The following FAM83F variants were observed in gnomAD, a reference collection of about 807,000 sequenced individuals.
The protein encoded by FAM83F is protein FAM83F.
In FAM83F, 45 loss-of-function variants were observed where a neutral mutation model predicts 42.9. The ratio of observed to expected loss-of-function variants is 1.05; its 90% CI spans 0.83 to 1.35. The LOEUF (loss-of-function observed/expected upper bound fraction) is 1.35. FAM83F is among the 40% of genes most tolerant of loss of function. The pLI is 0.00. For synonymous variants in FAM83F, 306 were observed against 298.3 expected (o/e 1.03, Z -0.27); for missense variants, 617 against 695.9 (o/e 0.89, Z 1.28).
intron 4 of FAM83F, among the ~76,000 whole-genome samples, chr22:40,028,220 A>G (rs2067565649): frequency 6.6e-6 from 1 of 152,200 alleles, no homozygotes; most frequent in African/African-American, 2.4e-5. Context: ...TCAGTCCTGA[A>G]GAGCTCGTTC....
chr22:40,004,078 A>G (rs1258962572), intron 1 of FAM83F, among the ~76,000 whole-genome samples: 1 of 151,862 alleles, frequency 6.6e-6, no homozygotes, highest in East Asian at 1.9e-4. Context: ...TTCACTCACC[A>G]TGTTTCACTG....
At chr22:40,008,164 T>C (rs144867892) in intron 1 of FAM83F, among the ~76,000 whole-genome samples, 24 of 152,378 alleles carry the variant, frequency 1.6e-4, no homozygotes, top group East Asian at 3.9e-4. Context: ...TCGTGTTCCC[T>C]GAGCTTTAAT....
Position 40,038,877 on chromosome 22 carries a change from T to A in FAM83F, c.*9312T>A, listed in dbSNP as rs1004484039. 1 of 152,264 alleles carries A rather than the reference T, an allele frequency of 6.6e-6. No individual in the cohort carries two copies. The highest frequency in any genetic ancestry group is 2.4e-5 in the African/African-American group (1 of 41,450). The allele number at this position is 152,264 out of a possible 1,614,324, so 9.4% of individuals were successfully genotyped here. A position where few individuals can be genotyped will look rare whatever the true frequency, so the allele number is the denominator to read the frequency against. The stretch of plus-strand genomic sequence containing the variant: ...AACAGCCCCAACAGGCAAGTGTTAT[T>A]TTCCTCAATTCTACCAATTAAAAAC... On this transcript the variant is annotated 3_prime_UTR_variant, in exon 5 of 5. Coordinates refer to ENST00000333407, the MANE Select transcript of FAM83F (RefSeq NM_138435.4).
At chr22:40,002,608 G>A (rs143449748) in intron 1 of FAM83F, among the ~76,000 whole-genome samples, 348 of 152,288 alleles carry the variant, frequency 2.3e-3, no homozygotes, top group African/African-American at 8.0e-3. Context: ...CCTGGGAATC[G>A]TCATTTTTGC....
At position 40,021,556 on chromosome 22, in the gene FAM83F, G is replaced by C; in HGVS notation, c.1046G>C (p.Arg349Pro). 2 of 1,565,188 alleles carry C rather than the reference G, an allele frequency of 1.3e-6. No homozygotes were observed. Among genetic ancestry groups the C allele is most frequent in the Non-Finnish European group, 1.7e-6 (2 of 1,150,564 alleles). The stretch of plus-strand genomic sequence containing the variant: ...ATGCGCTGGGCTGCCCGGCAACAGC[G>C]GGAGGCGGGCGGCAACCCGGAGGGG... ...EMMRWAARQQREAGGNPEGQE... is the reference protein window; with the variant it reads ...EMMRWAARQQPEAGGNPEGQE... The change falls in exon 4 of 5, where the codon CGG (arginine) becomes CCG (proline). Residue 349 changes from arginine to proline, a missense_variant. Physicochemically the swap from Arg to Pro is moderately radical, Grantham distance 103. Transcript: ENST00000333407. The surrounding 1 kb of genome is among the most constrained non-coding windows in gnomAD (Gnocchi z 8.7).
intron 2 of FAM83F, 106 bp downstream of exon 2, chr22:40,019,441 C>A: frequency 9.4e-7 from 1 of 1,062,178 alleles, no homozygotes; most frequent in South Asian, 1.5e-5. Flanking sequence ...GGGGCTCAGG[C>A]GAACTTCAAG....
intron 4 of FAM83F, among the ~76,000 whole-genome samples, chr22:40,022,849 C>T (rs2145721240): frequency 6.6e-6 from 1 of 152,304 alleles, no homozygotes; most frequent in South Asian, 2.1e-4. Context: ...GTCTTGTGTG[C>T]CCGGCCCAAG....
chr22:40,024,948 A>G (rs2067543098), intron 4 of FAM83F, among the ~76,000 whole-genome samples: 1 of 152,078 alleles, frequency 6.6e-6, no homozygotes, highest in African/African-American at 2.4e-5. Context: ...CAGCGGTTTC[A>G]AGGCTCACGG....
At chr22:40,020,438 C>T (rs1362421599) in intron 3 of FAM83F, among the ~76,000 whole-genome samples, 1 of 149,400 alleles carries the variant, frequency 6.7e-6, no homozygotes, top group Admixed American at 6.7e-5. Flanking sequence ...TCTCGGCTCA[C>T]TGCAACCTCT....
At position 40,043,298 on chromosome 22, in the gene FAM83F, G is replaced by A. The variant is rs1165275961; in HGVS notation, c.*13733G>A. The A allele has an allele frequency of 6.6e-6, 1 of 152,174 alleles. No homozygotes were observed. The highest frequency in any genetic ancestry group is 2.1e-4 in the South Asian group (1 of 4,828). The allele number at this position is 152,174 out of a possible 1,614,324, so 9.4% of individuals were successfully genotyped here. On this transcript the variant is annotated 3_prime_UTR_variant, in exon 5 of 5. Transcript: ENST00000333407. ...GATGGAATGTGGGCTAGAGTCCAGCGTTGTGCTCCTGGAGATCATTTCGGT... is the reference window on the plus strand; with the variant it reads ...GATGGAATGTGGGCTAGAGTCCAGCATTGTGCTCCTGGAGATCATTTCGGT...
At chr22:40,027,704 T>A (rs1184855032) in intron 4 of FAM83F, among the ~76,000 whole-genome samples, 1 of 152,112 alleles carries the variant, frequency 6.6e-6, no homozygotes, top group Non-Finnish European at 1.5e-5. Context: ...GAATTCTGAG[T>A]CTAGGTGCTG....
Position 40,024,396 on chromosome 22 carries a change from T to TAAGCAGCC in FAM83F, c.1453+2435_1453+2442dup, listed in dbSNP as rs1287395642. ...GTGTCTCCCCTCAGGCAGCAGCAGC[T>TAAGCAGCC]AAGCAGCCAGGACTGCATGTGTGAG... On this transcript the variant is annotated intron_variant, in intron 4 of 4. Transcript: ENST00000333407. Among the ~76,000 whole-genome samples, 9 of 152,236 alleles carry TAAGCAGCC rather than the reference T, an allele frequency of 5.9e-5. No individual in the cohort carries two copies. In the South Asian group the frequency reaches 1.0e-3, roughly 17 times the overall value.
intron 1 of FAM83F, among the ~76,000 whole-genome samples, chr22:40,011,021 A>G (rs1017433103): frequency 2.6e-5 from 4 of 152,152 alleles, no homozygotes; most frequent in Admixed American, 2.6e-4. Context: ...ACTTTAGTTC[A>G]CGGCACAATG....
chr22:40,024,564 C>T (rs1380797202), intron 4 of FAM83F, among the ~76,000 whole-genome samples: 1 of 152,228 alleles, frequency 6.6e-6, no homozygotes. Context: ...CCACCTGGCT[C>T]TCAATTCGGG....
chr22:40,029,080 C>CGTGTGTGTGTGTGT (rs55770640), intron 4 of FAM83F, among the ~76,000 whole-genome samples: 7 of 130,608 alleles, frequency 5.4e-5, no homozygotes, highest in African/African-American at 2.0e-4. Context: ...CTTGGCTAGA[C>CGTGTGTGTGTGTGT]GTGTGTGTGT....
At chr22:40,000,177 G>A (rs1226919126) in intron 1 of FAM83F, among the ~76,000 whole-genome samples, 9 of 152,182 alleles carry the variant, frequency 5.9e-5, no homozygotes, top group Admixed American at 5.2e-4. Context: ...CATTCCCTGG[G>A]GAACTCCTTT....
At chr22:40,015,125 T>C (rs2067486688) in intron 1 of FAM83F, among the ~76,000 whole-genome samples, 1 of 152,138 alleles carries the variant, frequency 6.6e-6, no homozygotes, top group South Asian at 2.1e-4. Context: ...AGAGATTGAT[T>C]GATTTTAAGG....
In FAM83F at chr22:40,021,604, G is replaced by A. The variant is rs114194620; in HGVS notation, c.1094G>A (p.Gly365Asp). The change falls in exon 4 of 5, where the codon GGC becomes GAC. Residue 365 changes from glycine (G) to aspartate (D), a missense_variant. Transcript: ENST00000333407. This position sits in a 1 kb window ranked among gnomAD's most constrained non-coding sequence, Gnocchi z 8.7. Reference protein sequence around the residue: ...PEGQEEGASGGESAWRLESFL... With the variant: ...PEGQEEGASGDESAWRLESFL... ...GGGCAGGAGGAGGGCGCCAGCGGTGGCGAGTCGGCCTGGCGCCTGGAGAGC... is the reference window on the plus strand; with the variant it reads ...GGGCAGGAGGAGGGCGCCAGCGGTGACGAGTCGGCCTGGCGCCTGGAGAGC... 4.9e-5 allele frequency: 77 copies of A among 1,580,874 alleles called. No homozygotes were observed. In the East Asian group the frequency reaches 1.3e-3, roughly 26 times the overall value.
At chr22:40,019,132 A>G (rs2067505980) in intron 1 of FAM83F, 36 bp from the exon 2 acceptor site, 3 of 1,609,164 alleles carry the variant, frequency 1.9e-6, no homozygotes, top group Non-Finnish European at 1.7e-6. Flanking sequence ...GGGCGTGTAG[A>G]CACCGTGTGC....
Sources: allele counts gnomAD v4.1 joint callset (sites outside exome capture counted in the v4.1 genomes callset), GRCh38; gene constraint gnomAD v4.1.1; non-coding constraint Gnocchi (gnomAD v3.1); transcripts MANE v1.5; gene names NCBI Gene and HGNC (gene_info 2026-07-23, HGNC 2026-07-21).